The following RUNX2 variants were observed in gnomAD, a reference collection of about 807,000 sequenced individuals.
RUNX2 encodes the protein runt-related transcription factor 2.
RUNX2 carries 10 observed loss-of-function variants against 51.7 expected under a neutral mutation model. The ratio of observed to expected loss-of-function variants is 0.19; its 90% CI spans 0.12 to 0.33. The LOEUF (loss-of-function observed/expected upper bound fraction) is 0.33, where lower values mean the gene tolerates loss of function less well. Ranked by LOEUF, RUNX2 falls within the 10% of genes least tolerant of loss-of-function variation. The probability of loss-of-function intolerance (pLI) is 1.00; values close to 1 mark genes in which losing one functional copy is unlikely to be tolerated. For missense variants in RUNX2, 562 were observed against 691.3 expected (o/e 0.81, Z 2.10); for synonymous variants, 276 against 273.6 (o/e 1.01, Z -0.09).
chr6:45,401,064 T>G (rs1223241249), intron 2 of RUNX2, among the ~76,000 whole-genome samples: 3 of 152,222 alleles, frequency 2.0e-5, no homozygotes, highest in Non-Finnish European at 2.9e-5. Context: ...TTTTTCGTAA[T>G]AAGATATTGA....
At chr6:45,459,758 T>TA (rs1799420560) in intron 5 of RUNX2, among the ~76,000 whole-genome samples, 2 of 152,164 alleles carry the variant, frequency 1.3e-5, no homozygotes, top group African/African-American at 4.8e-5. Context: ...TGATAAGTAC[T>TA]TTAAAGAAAA....
intron 5 of RUNX2, among the ~76,000 whole-genome samples, chr6:45,452,665 C>G (rs1799207462): frequency 6.6e-6 from 1 of 152,244 alleles, no homozygotes. Context: ...CACACACACA[C>G]AGACACACAC....
chr6:45,436,093 A>G (rs1269612080), intron 4 of RUNX2, among the ~76,000 whole-genome samples: 1 of 152,236 alleles, frequency 6.6e-6, no homozygotes, highest in Non-Finnish European at 1.5e-5. Context: ...TCCGTGTAAT[A>G]GCCAATATAG....
chr6:45,463,149 A>C (rs1443752105), intron 5 of RUNX2, among the ~76,000 whole-genome samples: 1 of 152,234 alleles, frequency 6.6e-6, no homozygotes, highest in Non-Finnish European at 1.5e-5. Flanking sequence ...CAAATGGTTT[A>C]GTTCCTGGGT....
chr6:45,461,598 C>A (rs187401628), intron 5 of RUNX2, among the ~76,000 whole-genome samples: 16 of 152,202 alleles, frequency 1.1e-4, no homozygotes, highest in African/African-American at 3.4e-4. Context: ...TGAAGTCAAT[C>A]GACAAGAATA....
At chr6:45,349,196 T>C (rs1450529607) in intron 2 of RUNX2, among the ~76,000 whole-genome samples, 1 of 152,214 alleles carries the variant, frequency 6.6e-6, no homozygotes, top group Non-Finnish European at 1.5e-5. Context: ...CGCTAGTATT[T>C]CAGTCTACTT....
intron 2 of RUNX2, among the ~76,000 whole-genome samples, chr6:45,401,893 TATCCTTGTCA>T (rs1797718934): frequency 6.6e-6 from 1 of 152,254 alleles, no homozygotes; most frequent in African/African-American, 2.4e-5. Context: ...AAAACTCATG[TATCCTTGTCA>T]ACCACTCAGT....
chr6:45,503,967 A>G (rs1291773235), intron 6 of RUNX2, among the ~76,000 whole-genome samples: 2 of 152,156 alleles, frequency 1.3e-5, no homozygotes, highest in African/African-American at 4.8e-5. Context: ...TTTGTGTTGT[A>G]ATATAACCTA....
chr6:45,365,259 T>C (rs1432442838), intron 2 of RUNX2: 4 of 1,612,664 alleles, frequency 2.5e-6, no homozygotes, highest in South Asian at 2.2e-5. Flanking sequence ...CTTCCACTAC[T>C]TGAAGTTGCA....
At chr6:45,491,437 T>C (rs1800461739) in intron 5 of RUNX2, among the ~76,000 whole-genome samples, 1 of 152,166 alleles carries the variant, frequency 6.6e-6, no homozygotes, top group South Asian at 2.1e-4. Flanking sequence ...TAAAGAGTAG[T>C]TGTAACGTTA....
intron 7 of RUNX2, among the ~76,000 whole-genome samples, chr6:45,532,654 G>A (rs537110316): frequency 3.7e-4 from 57 of 152,050 alleles, no homozygotes; most frequent in Non-Finnish European, 6.3e-4. Flanking sequence ...CTTTTCACCC[G>A]AAAATTAAGT....
chr6:45,432,130 A>T, intron 4 of RUNX2, 111 bp downstream of exon 4: 2 of 1,053,282 alleles, frequency 1.9e-6, no homozygotes, highest in Non-Finnish European at 2.9e-6. Flanking sequence ...GAATAGAATT[A>T]CTGAAGATTT....
Position 45,547,111 on chromosome 6 carries a change from A to G in RUNX2, c.1372A>G (p.Met458Val). The change falls in exon 9 of 9, where the codon ATG becomes GTG. Residue 458 changes from methionine (M) to valine (V), a missense_variant. By Grantham distance (21) the Met-to-Val change is conservative. Transcript: ENST00000647337. Reference protein sequence around the residue: ...GTSSGSYQFPMVPGGDRSPSR... With the variant: ...GTSSGSYQFPVVPGGDRSPSR... ...TTCGTCAGGATCCTATCAGTTTCCC[A>G]TGGTGCCGGGGGGAGACCGGTCTCC... 2 of 1,614,048 alleles carry G rather than the reference A, an allele frequency of 1.2e-6. No individual in the cohort carries two copies. Among genetic ancestry groups the G allele is most frequent in the Non-Finnish European group, 1.7e-6 (2 of 1,179,996 alleles).
intron 2 of RUNX2, among the ~76,000 whole-genome samples, chr6:45,342,347 C>T (rs570392167): frequency 4.6e-5 from 7 of 152,134 alleles, no homozygotes; most frequent in South Asian, 4.2e-4. Flanking sequence ...CTGCAACCTC[C>T]GCCTCCTGGG....
At chr6:45,391,569 A>G (rs1797470898) in intron 2 of RUNX2, among the ~76,000 whole-genome samples, 1 of 152,204 alleles carries the variant, frequency 6.6e-6, no homozygotes, top group Non-Finnish European at 1.5e-5. Context: ...GCTGTAAAGA[A>G]CTGCCTGAGA....
At chr6:45,399,771 G>GA (rs2150351165) in intron 2 of RUNX2, among the ~76,000 whole-genome samples, 1 of 132,010 alleles carries the variant, frequency 7.6e-6, no homozygotes, top group Non-Finnish European at 1.7e-5. Context: ...AGGAAGGAAG[G>GA]AGGGAGGGAG....
intron 5 of RUNX2, among the ~76,000 whole-genome samples, chr6:45,475,137 A>G (rs1799919453): frequency 1.3e-5 from 2 of 152,134 alleles, no homozygotes; most frequent in African/African-American, 4.8e-5. Context: ...AAAAAAAAAA[A>G]AAAAGAAGCT....
At chr6:45,352,214 AT>A (rs1792212099) in intron 2 of RUNX2, among the ~76,000 whole-genome samples, 1 of 152,226 alleles carries the variant, frequency 6.6e-6, no homozygotes, top group East Asian at 1.9e-4. Flanking sequence ...GGACTTACAA[AT>A]AACCTTTGAT....
At chr6:45,360,810 C>A (rs1305932307) in intron 2 of RUNX2, among the ~76,000 whole-genome samples, 1 of 152,176 alleles carries the variant, frequency 6.6e-6, no homozygotes, top group Middle Eastern at 3.2e-3. Context: ...GGCAGAACTA[C>A]AGACCTAAAC....
Sources: gnomAD v4.1 joint callset for allele counts (sites outside exome capture counted in the v4.1 genomes callset) on GRCh38, gnomAD v4.1.1 for gene constraint, MANE v1.5 for transcripts, NCBI Gene and HGNC (gene_info 2026-07-23, HGNC 2026-07-21) for gene names.